RBM19: variants seen among roughly 807,000 people sequenced by gnomAD.
The protein encoded by RBM19 is RNA binding motif protein 19.
In RBM19, 94 loss-of-function variants were observed where a neutral mutation model predicts 116.8. The ratio of observed to expected loss-of-function variants is 0.80; its 90% CI spans 0.68 to 0.95. The LOEUF (loss-of-function observed/expected upper bound fraction) is 0.95, where lower values mean the gene tolerates loss of function less well. RBM19 is among the 40% of genes least tolerant of loss of function. The pLI, the probability that RBM19 is intolerant of heterozygous loss-of-function variation, is 0.00. For synonymous variants in RBM19, 475 were observed against 494.1 expected (o/e 0.96, Z 0.51); for missense variants, 1,161 against 1,220.7 (o/e 0.95, Z 0.73).
chr12:113,848,063 T>C (rs1315085236), intron 22 of RBM19, among the ~76,000 whole-genome samples: 1 of 152,242 alleles, frequency 6.6e-6, no homozygotes, highest in Non-Finnish European at 1.5e-5. Flanking sequence ...GGCAAGCTGC[T>C]GAACCTCTCT....
intron 23 of RBM19, among the ~76,000 whole-genome samples, chr12:113,827,091 C>T (rs1367626775): frequency 3.3e-5 from 5 of 152,190 alleles, no homozygotes; most frequent in African/African-American, 7.2e-5. Flanking sequence ...CTGTTTGCAG[C>T]GAACAGCTGC....
At chr12:113,944,085 A>G (rs1000707728) in intron 13 of RBM19, among the ~76,000 whole-genome samples, 1 of 113,134 alleles carries the variant, frequency 8.8e-6, no homozygotes, top group Non-Finnish European at 1.8e-5. Context: ...CTCTAACTCC[A>G]GATGCATGTT....
chr12:113,870,715 T>C (rs1842115813), intron 21 of RBM19, among the ~76,000 whole-genome samples: 1 of 152,090 alleles, frequency 6.6e-6, no homozygotes, highest in African/African-American at 2.4e-5. Context: ...TTCCAGTCCC[T>C]AGGAAATTAG....
intron 16 of RBM19, 193 bp downstream of exon 16, chr12:113,936,814 T>G (rs562388647): frequency 4.7e-6 from 3 of 642,068 alleles, no homozygotes; most frequent in Non-Finnish European, 7.4e-6. Context: ...TAAAAGCATA[T>G]TGCATCCATA....
rs2135717681 is a variant in RBM19, at chr12:113,844,735, C to T, written c.2718G>A (p.Val906=). The T allele has an allele frequency of 6.2e-7, 1 of 1,613,658 alleles. No homozygotes were observed. Among genetic ancestry groups the T allele is most frequent in the Non-Finnish European group, 8.5e-7 (1 of 1,179,928 alleles). The change falls in exon 23 of 24, where the codon GTG becomes GTA. Residue 906 remains valine (V), a synonymous_variant. Coordinates refer to ENST00000261741, the MANE Select transcript of RBM19 (RefSeq NM_016196.4). The part of the protein sequence containing the change: ...HSTHLYGRRL[V]LEWADSEVTL... ...TCACCTCGGAGTCGGCCCACTCCAGCACCAGCCTCCGCCCGTACAAGTGGG... is the reference window on the plus strand; with the variant it reads ...TCACCTCGGAGTCGGCCCACTCCAGTACCAGCCTCCGCCCGTACAAGTGGG...
rs1593662009 is a variant in RBM19 at position 113,962,365 on chromosome 12, G to A, written c.86C>T (p.Thr29Ile). The A allele has an allele frequency of 6.2e-7, 1 of 1,614,234 alleles. No individual in the cohort carries two copies. The highest frequency in any genetic ancestry group is 8.5e-7 in the Non-Finnish European group (1 of 1,180,020). The change falls in exon 2 of 24, where the codon ACA becomes ATA. Residue 29 changes from threonine (T) to isoleucine (I), a missense_variant. By Grantham distance (89) the Thr-to-Ile change is moderately conservative. Transcript: ENST00000261741. ...TTTGGTGAACTTCAGGCTGCAGTCT[G>A]TCAGCGTGCCGAAGGCGGCAAACAG... ...RQLFAAFGTLTDCSLKFTKDG... is the reference protein window; with the variant it reads ...RQLFAAFGTLIDCSLKFTKDG...
intron 21 of RBM19, among the ~76,000 whole-genome samples, chr12:113,892,870 T>C (rs1881052293): frequency 6.6e-6 from 1 of 152,122 alleles, no homozygotes; most frequent in Admixed American, 6.6e-5. Context: ...TCGGTGCAGG[T>C]AATTTGCCAA....
At chr12:113,932,343 T>G (rs560843961) in intron 16 of RBM19, among the ~76,000 whole-genome samples, 3 of 152,310 alleles carry the variant, frequency 2.0e-5, no homozygotes, top group African/African-American at 7.2e-5. Flanking sequence ...AACAGTTTCG[T>G]TCTTAATATT....
In RBM19 at chr12:113,863,712, G is replaced by T. The variant is rs140856449; in HGVS notation, c.2559-4816C>A. ...CATTGTTGAGAAAAGAAAGTCTGCTGCCACCTAAGAGACCCAGAATCAGAA... is the reference window on the plus strand; with the variant it reads ...CATTGTTGAGAAAAGAAAGTCTGCTTCCACCTAAGAGACCCAGAATCAGAA... On this transcript the variant is annotated intron_variant, in intron 21 of 23. Coordinates refer to ENST00000261741, the MANE Select transcript of RBM19 (RefSeq NM_016196.4). Among the ~76,000 whole-genome samples, 4 of 152,330 alleles carry T rather than the reference G, an allele frequency of 2.6e-5. No individual in the cohort carries two copies. The East Asian group carries it at 7.7e-4, about 29-fold the overall frequency.
chr12:113,965,372 A>G (rs1304152594), intron 1 of RBM19, among the ~76,000 whole-genome samples: 1 of 152,264 alleles, frequency 6.6e-6, no homozygotes, highest in East Asian at 1.9e-4. Context: ...ACAAACAATG[A>G]TAAGAGAATC....
Position 113,940,040 on chromosome 12 carries a change from C to T in RBM19, c.1858G>A (p.Glu620Lys). 6.2e-7 allele frequency: 1 copy of T among 1,614,146 alleles called. No homozygotes were observed. Among genetic ancestry groups the T allele is most frequent in the South Asian group, 1.1e-5 (1 of 91,082 alleles). ...TCCACGATGGCAGTGATTCCGCCCT[C>T]TGGCAGCAGCACGCGGCCCAGGCTG... is the stretch of plus-strand genomic sequence containing the variant. ...FGSLGRVLLP[E>K]GGITAIVEFL... Residue 620 changes from glutamate (E) to lysine (K), a missense_variant, in exon 15 of 24, where the codon GAG (glutamate) becomes AAG (lysine). Transcript: ENST00000261741.
At chr12:113,871,289 C>T (rs540087652) in intron 21 of RBM19, among the ~76,000 whole-genome samples, 1 of 152,224 alleles carries the variant, frequency 6.6e-6, no homozygotes, top group Non-Finnish European at 1.5e-5. Flanking sequence ...CGTGGCCCAG[C>T]CACTGAAAGC....
rs1462770768 is a variant in RBM19, at chr12:113,823,272, C to T, written c.2835G>A (p.Gln945=). The change falls in exon 24 of 24, where the codon CAG becomes CAA. Residue 945 remains glutamine (Q), a synonymous_variant. Transcript: ENST00000261741. ...CGCTGTCGCTGTCACTGCCTTCCAGCTGCTCCAGGATCTCGTCCAACACCA... is the reference window on the plus strand; with the variant it reads ...CGCTGTCGCTGTCACTGCCTTCCAGTTGCTCCAGGATCTCGTCCAACACCA... ...RSVVLDEILE[Q]LEGSDSDSEE... is the part of the protein sequence containing the mutation. 6.2e-7 allele frequency: 1 copy of T among 1,613,000 alleles called. No individual in the cohort carries two copies. Among genetic ancestry groups the T allele is most frequent in the African/African-American group, 1.3e-5 (1 of 74,960 alleles).
At position 113,823,161 on chromosome 12, in the gene RBM19, A is replaced by C; in HGVS notation, c.*63T>G. Reference sequence around the variant, plus strand: ...CCCCAGCCCACATGGTGGTGAGTGCAGAAGCTGGAGCGGCTGTCCCGGTCC... The same window carrying C: ...CCCCAGCCCACATGGTGGTGAGTGCCGAAGCTGGAGCGGCTGTCCCGGTCC... On this transcript the variant is annotated 3_prime_UTR_variant, in exon 24 of 24. Transcript: ENST00000261741. 4.9e-6 allele frequency: 7 copies of C among 1,430,026 alleles called. No homozygotes were observed. Among genetic ancestry groups the C allele is most frequent in the South Asian group, 3.5e-5 (3 of 85,902 alleles). The allele number at this position is 1,430,026 out of a possible 1,614,324, so 88.6% of individuals were successfully genotyped here. A position where few individuals can be genotyped will look rare whatever the true frequency, so the allele number is the denominator to read the frequency against.
intron 17 of RBM19, among the ~76,000 whole-genome samples, chr12:113,925,231 A>ACGTC (rs1868961523): frequency 6.6e-6 from 1 of 152,308 alleles, no homozygotes; most frequent in South Asian, 2.1e-4. Context: ...GTTCCCGGCT[A>ACGTC]CGTCTTCAGC....
chr12:113,888,448 G>T (rs1010180014), intron 21 of RBM19, among the ~76,000 whole-genome samples: 3 of 152,066 alleles, frequency 2.0e-5, no homozygotes, highest in Admixed American at 2.0e-4. Flanking sequence ...TCAATGTGGG[G>T]CCCATAAAGA....
chr12:113,922,396 GC>G (rs1868655886), intron 18 of RBM19, among the ~76,000 whole-genome samples: 1 of 152,096 alleles, frequency 6.6e-6, no homozygotes, highest in African/African-American at 2.4e-5. Context: ...TCAAATACAG[GC>G]CCTTGAAAAA....
At chr12:113,866,942 C>T (rs1375796613) in intron 21 of RBM19, among the ~76,000 whole-genome samples, 1 of 152,252 alleles carries the variant, frequency 6.6e-6, no homozygotes, top group Non-Finnish European at 1.5e-5. Flanking sequence ...TGTGGGCTGC[C>T]TTGGGTACCA....
At chr12:113,889,342 T>A (rs986341968) in intron 21 of RBM19, among the ~76,000 whole-genome samples, 3 of 152,144 alleles carry the variant, frequency 2.0e-5, no homozygotes, top group Non-Finnish European at 4.4e-5. Flanking sequence ...TCCCTTCAGC[T>A]CTCAGGAACC....
Sources: gnomAD v4.1 joint callset for allele counts (sites outside exome capture counted in the v4.1 genomes callset) on GRCh38, gnomAD v4.1.1 for gene constraint, MANE v1.5 for transcripts, NCBI Gene and HGNC (gene_info 2026-07-23, HGNC 2026-07-21) for gene names.